Variants in MICU3 observed in about 807,000 individuals in gnomAD.
MICU3 encodes the protein calcium uptake protein 3, mitochondrial.
Under a neutral mutation model 66.5 loss-of-function variants are expected in MICU3, and 62 were observed. The observed-to-expected ratio is 0.93, with a 90% CI of 0.76 to 1.15. The LOEUF is 1.15. MICU3 is among the 50% of genes most tolerant of loss of function. The probability of loss-of-function intolerance (pLI) is 0.00; values close to 1 mark genes in which losing one functional copy is unlikely to be tolerated. For synonymous variants in MICU3, 308 were observed against 240.7 expected, an observed-to-expected ratio of 1.28 and a Z score of -2.59; for missense variants, 779 against 664.4, an observed-to-expected ratio of 1.17 and a Z score of -1.90.
chr8:17,127,357 A>G (rs1176420071), downstream of MICU3, among the ~76,000 whole-genome samples: 1 of 152,238 alleles, frequency 6.6e-6, no homozygotes, highest in East Asian at 1.9e-4. Context: ...CAGATTGCAC[A>G]TCAAAACTAC....
rs1237406478 is a variant in MICU3, at chr8:17,121,535, AT to A, written c.*1249del. 1 of 152,214 alleles carries A rather than the reference AT, an allele frequency of 6.6e-6. No homozygotes were observed. Among genetic ancestry groups the A allele is most frequent in the African/African-American group, 2.4e-5 (1 of 41,432 alleles). The allele number at this position is 152,214 out of a possible 1,614,324, so 9.4% of individuals were successfully genotyped here. A position where few individuals can be genotyped will look rare whatever the true frequency, so the allele number is the denominator to read the frequency against. On this transcript the variant is annotated 3_prime_UTR_variant, in exon 15 of 15. Coordinates refer to ENST00000318063, the MANE Select transcript of MICU3 (RefSeq NM_181723.3). The stretch of plus-strand genomic sequence containing the variant: ...CTGAATTAACGTATTTACATATTGC[AT>A]ATGGAAGATAAGTTCATTTATCTTC...
chr8:17,094,543 T>C (rs542490954), intron 8 of MICU3, among the ~76,000 whole-genome samples: 7 of 152,158 alleles, frequency 4.6e-5, no homozygotes, highest in African/African-American at 1.7e-4. Flanking sequence ...ACAGCTGGTT[T>C]CTCGTAGCTG....
chr8:17,030,478 C>A (rs1247937343), intron 1 of MICU3, among the ~76,000 whole-genome samples: 1 of 151,694 alleles, frequency 6.6e-6, no homozygotes, highest in African/African-American at 2.4e-5. Context: ...CAGTAGTCTT[C>A]TGGCAGCAGG....
Position 17,109,138 on chromosome 8 carries a change from C to T in MICU3, c.1257+3554C>T, listed in dbSNP as rs892663159. Among the ~76,000 whole-genome samples, 5 of 152,190 alleles carry T rather than the reference C, an allele frequency of 3.3e-5. No homozygotes were observed. The East Asian group carries it at 5.8e-4, about 18-fold the overall frequency. On this transcript the variant is annotated intron_variant, in intron 11 of 14. Transcript: ENST00000318063. ...ACTCCCTCTCCTGGCTGTCCTTATT[C>T]CTTCCTACCTTAATCTGTTTTTATT... is the stretch of plus-strand genomic sequence containing the variant.
chr8:17,094,322 G>C (rs557633215), intron 8 of MICU3, among the ~76,000 whole-genome samples: 14 of 151,984 alleles, frequency 9.2e-5, no homozygotes, highest in Non-Finnish European at 2.1e-4. Context: ...GGATCCAAAA[G>C]ATATTTTGTT....
Position 17,027,461 on chromosome 8 carries a change from G to T in MICU3, c.182G>T (p.Arg61Leu), listed in dbSNP as rs941015734. The change falls in exon 1 of 15, where the codon CGG (arginine) becomes CTG (leucine). Residue 61 changes from arginine to leucine, a missense_variant. Transcript: ENST00000318063. ...RAVAEAAWRR[R>L]RRWGELSVAA... ...GTGGCGGAGGCGGCATGGAGGCGGC[G>T]GCGGCGCTGGGGGGAGCTGAGCGTG... The T allele has an allele frequency of 6.9e-6, 9 of 1,296,848 alleles. No individual in the cohort carries two copies. The highest frequency in any genetic ancestry group is 8.8e-6 in the Non-Finnish European group (9 of 1,027,550). The allele number at this position is 1,296,848 out of a possible 1,614,324, so 80.3% of individuals were successfully genotyped here. A position where few individuals can be genotyped will look rare whatever the true frequency, so the allele number is the denominator to read the frequency against.
At chr8:17,071,520 T>G (rs916008294) in intron 3 of MICU3, among the ~76,000 whole-genome samples, 4 of 151,992 alleles carry the variant, frequency 2.6e-5, no homozygotes, top group Admixed American at 6.6e-5. Context: ...TGCAAAACAG[T>G]CAGATTCTGA....
rs778148766 is a variant in MICU3, at chr8:17,116,505, A to G, written c.1429A>G (p.Thr477Ala). ...CAAATTTTCACCACATTTAGTGAAC[A>G]CTGTCTTCAAGATTTTTGATGTTGA... is the stretch of plus-strand genomic sequence containing the variant. ...GLKFSPHLVN[T>A]VFKIFDVDKD... The change falls in exon 13 of 15, where the codon ACT becomes GCT. Residue 477 changes from threonine (T) to alanine (A), a missense_variant. Physicochemically the swap from Thr to Ala is moderately conservative, Grantham distance 58. Transcript: ENST00000318063. 2.6e-6 allele frequency: 4 copies of G among 1,566,216 alleles called. No homozygotes were observed. The highest frequency in any genetic ancestry group is 1.2e-5 in the South Asian group (1 of 82,398).
intron 1 of MICU3, among the ~76,000 whole-genome samples, chr8:17,053,851 G>A (rs75301020): frequency 0.055 from 8,328 of 152,214 alleles, 420 homozygotes; most frequent in East Asian, 0.25. Flanking sequence ...AGGGTGTCAG[G>A]CAATTCCCAT....
chr8:17,114,053 G>C (rs780300698), intron 11 of MICU3, 40 bp from the exon 12 acceptor site: 7 of 1,105,018 alleles, frequency 6.3e-6, no homozygotes, highest in Non-Finnish European at 8.8e-6. Context: ...TAATAAATTT[G>C]GCAATACTAA....
intron 6 of MICU3, among the ~76,000 whole-genome samples, chr8:17,086,670 A>G (rs933716212): frequency 6.6e-6 from 1 of 152,204 alleles, no homozygotes; most frequent in East Asian, 1.9e-4. Flanking sequence ...AAAGTAAAAG[A>G]TTAACTTTTG....
intron 11 of MICU3, among the ~76,000 whole-genome samples, chr8:17,112,312 G>T (rs7008290): frequency 0.34 from 51,822 of 152,028 alleles, 9,551 homozygotes; most frequent in East Asian, 0.8. Flanking sequence ...TTTGTTAGCA[G>T]ATAAGCTACT....
chr8:17,121,460 A>G lies in MICU3; in HGVS notation c.*1173A>G, dbSNP rs1031100982. 1 of 151,990 alleles carries G rather than the reference A, an allele frequency of 6.6e-6. No homozygotes were observed. Among genetic ancestry groups the G allele is most frequent in the Non-Finnish European group, 1.5e-5 (1 of 67,788 alleles). 9.4% of individuals were successfully genotyped at this position (151,990 alleles called of 1,614,324 possible). ...ATACTTAATAGAAATCTGTTCAATT[A>G]AAAATGCTTAGTTTATACAAAGATA... On this transcript the variant is annotated 3_prime_UTR_variant, in exon 15 of 15. Transcript: ENST00000318063.
intron 11 of MICU3, among the ~76,000 whole-genome samples, chr8:17,108,873 C>A (rs1004086598): frequency 6.6e-6 from 1 of 152,028 alleles, no homozygotes; most frequent in Non-Finnish European, 1.5e-5. Flanking sequence ...TTACCTTTGA[C>A]CTCACTTCCT....
At position 17,122,270 on chromosome 8, in the gene MICU3, T is replaced by C. The variant is rs1004159199; in HGVS notation, c.*1983T>C. The C allele has an allele frequency of 6.6e-6, 1 of 151,836 alleles. No homozygotes were observed. Among genetic ancestry groups the C allele is most frequent in the African/African-American group, 2.4e-5 (1 of 41,424 alleles). 9.4% of individuals were successfully genotyped at this position (151,836 alleles called of 1,614,324 possible). A position where few individuals can be genotyped will look rare whatever the true frequency, so the allele number is the denominator to read the frequency against. On this transcript the variant is annotated 3_prime_UTR_variant, in exon 15 of 15. Transcript: ENST00000318063. ...GTAAATTACAGTGATTTCCATCATATTATCACTCTTGAATTTTATCATCTA... is the reference window on the plus strand; with the variant it reads ...GTAAATTACAGTGATTTCCATCATACTATCACTCTTGAATTTTATCATCTA...
In MICU3 at chr8:17,105,551, AGAAAATGT is replaced by A. The variant is rs1374430344; in HGVS notation, c.1226_1233del (p.Glu409AlafsTer6). On this transcript the variant is annotated frameshift_variant, in exon 11 of 15. Coordinates refer to ENST00000318063, the MANE Select transcript of MICU3 (RefSeq NM_181723.3). LOFTEE classifies it high-confidence loss of function. ...ATGTGGAAAATACATCAGTATTTTT[AGAAAATGT>A]GCGTTACAGTATACCTGAAGAAAAG... 1 of 1,567,332 alleles carries A rather than the reference AGAAAATGT, an allele frequency of 6.4e-7. No individual in the cohort carries two copies. Among genetic ancestry groups the A allele is most frequent in the Non-Finnish European group, 8.6e-7 (1 of 1,156,664 alleles).
intron 3 of MICU3, among the ~76,000 whole-genome samples, chr8:17,077,178 T>A (rs2150704621): frequency 6.6e-6 from 1 of 152,314 alleles, no homozygotes; most frequent in Non-Finnish European, 1.5e-5. Context: ...TCTTTAATAT[T>A]TAAGTTAAAA....
intron 11 of MICU3, among the ~76,000 whole-genome samples, chr8:17,107,908 T>C (rs1801875826): frequency 6.6e-6 from 1 of 152,128 alleles, no homozygotes; most frequent in Non-Finnish European, 1.5e-5. Flanking sequence ...ACAGAATAGA[T>C]TTTAGGTGGC....
At chr8:17,048,491 G>A (rs1815486678) in intron 1 of MICU3, among the ~76,000 whole-genome samples, 1 of 152,192 alleles carries the variant, frequency 6.6e-6, no homozygotes, top group Admixed American at 6.5e-5. Flanking sequence ...AACAGTGTGG[G>A]AAAGACCCAC....
Sources: gnomAD v4.1 joint callset for allele counts (sites outside exome capture counted in the v4.1 genomes callset) on GRCh38, gnomAD v4.1.1 for gene constraint, MANE v1.5 for transcripts, NCBI Gene and HGNC (gene_info 2026-07-23, HGNC 2026-07-21) for gene names.